Variants in ARHGAP25 observed in about 807,000 individuals in gnomAD.
ARHGAP25 encodes the protein Rho GTPase activating protein 25, also known as rho GTPase-activating protein 25.
In ARHGAP25, 34 loss-of-function variants were observed where a neutral mutation model predicts 71.0. The ratio of observed to expected loss-of-function variants is 0.48; its 90% confidence interval spans 0.36 to 0.64. The LOEUF is 0.64. Among genes scored for constraint, ARHGAP25 ranks in the 30% least tolerant of loss-of-function variants. The probability of loss-of-function intolerance (pLI) is 0.00; values close to 1 mark genes in which losing one functional copy is unlikely to be tolerated. For synonymous variants in ARHGAP25, 282 were observed against 296.5 expected, an observed-to-expected ratio of 0.95 and a Z score of 0.50; for missense variants, 706 against 805.1, an observed-to-expected ratio of 0.88 and a Z score of 1.49.
chr2:68,780,862 C>T (rs911377836), intron 2 of ARHGAP25, among the ~76,000 whole-genome samples: 11 of 152,176 alleles, frequency 7.2e-5, no homozygotes, highest in Non-Finnish European at 1.5e-4. Context: ...TCATCTCCAT[C>T]GGTACTTTGT....
chr2:68,763,376 A>T (rs1352519989), intron 1 of ARHGAP25, among the ~76,000 whole-genome samples: 1 of 152,174 alleles, frequency 6.6e-6, no homozygotes, highest in African/African-American at 2.4e-5. Context: ...TAAAACACCA[A>T]GCAAATATTT....
At chr2:68,715,914 C>T (rs572626222) in intron 2 of ARHGAP25, among the ~76,000 whole-genome samples, 2 of 152,198 alleles carry the variant, frequency 1.3e-5, no homozygotes, top group African/African-American at 4.8e-5. Flanking sequence ...CAGGTGAGGG[C>T]GGTTGGGAGG....
chr2:68,815,666 C>A (rs1334593127), intron 6 of ARHGAP25, among the ~76,000 whole-genome samples: 1 of 152,124 alleles, frequency 6.6e-6, no homozygotes, highest in African/African-American at 2.4e-5. Flanking sequence ...TGATTACAGA[C>A]CCTACAGGCA....
chr2:68,806,592 A>G (rs973802104), intron 4 of ARHGAP25, among the ~76,000 whole-genome samples: 5 of 152,246 alleles, frequency 3.3e-5, no homozygotes, highest in African/African-American at 1.2e-4. Context: ...TAACGTGGAT[A>G]CACTGGACAA....
At chr2:68,805,467 A>C (rs781359918) in intron 4 of ARHGAP25, among the ~76,000 whole-genome samples, 1 of 152,100 alleles carries the variant, frequency 6.6e-6, no homozygotes, top group Non-Finnish European at 1.5e-5. Context: ...GATGTGATGA[A>C]AGAGGAGTCC....
At chr2:68,808,611 G>A (rs1029048604) in intron 5 of ARHGAP25, among the ~76,000 whole-genome samples, 1 of 152,168 alleles carries the variant, frequency 6.6e-6, no homozygotes, top group Non-Finnish European at 1.5e-5. Context: ...TGGAACAATA[G>A]CCCGTTATTG....
intron 2 of ARHGAP25, among the ~76,000 whole-genome samples, chr2:68,719,892 G>A (rs1396406038): frequency 6.6e-6 from 1 of 152,122 alleles, no homozygotes; most frequent in Non-Finnish European, 1.5e-5. Context: ...CCTGACTCAT[G>A]CCACCATCAT....
chr2:68,782,814 G>A (rs1678435708), intron 3 of ARHGAP25, among the ~76,000 whole-genome samples: 2 of 152,216 alleles, frequency 1.3e-5, no homozygotes, highest in Admixed American at 6.5e-5. Flanking sequence ...GCACATTGGA[G>A]GTGCCTCTTT....
At chr2:68,760,009 C>A (rs201744438) in intron 1 of ARHGAP25, among the ~76,000 whole-genome samples, 1 of 151,958 alleles carries the variant, frequency 6.6e-6, no homozygotes, top group Non-Finnish European at 1.5e-5. Context: ...GGGATTTATT[C>A]TTGAAATGCA....
intron 2 of ARHGAP25, among the ~76,000 whole-genome samples, chr2:68,779,128 G>A (rs1335726435): frequency 6.6e-6 from 1 of 152,166 alleles, no homozygotes; most frequent in Non-Finnish European, 1.5e-5. Context: ...CTGAGGCATC[G>A]CCACAAGTGG....
intron 2 of ARHGAP25, among the ~76,000 whole-genome samples, chr2:68,711,268 T>G (rs1674475747): frequency 6.6e-6 from 1 of 152,212 alleles, no homozygotes. Context: ...AATTTTCCCA[T>G]AAGTCCTTCT....
chr2:68,746,103 A>C (rs1675795215), intron 1 of ARHGAP25, among the ~76,000 whole-genome samples: 1 of 152,214 alleles, frequency 6.6e-6, no homozygotes, highest in South Asian at 2.1e-4. Flanking sequence ...CCATCATTTA[A>C]ACTATAGCAC....
At position 68,734,961 on chromosome 2, in the gene ARHGAP25, G is replaced by T; in HGVS notation, c.-239G>T. On this transcript the variant is annotated 5_prime_UTR_variant, in exon 1 of 11. Coordinates refer to ENST00000409202, the MANE Select transcript of ARHGAP25 (RefSeq NM_001007231.3). ...GGGTGCTAGCCCCTGTGGGACTGAG[G>T]GTGGAGGCTGGGGGAGTTTGGGTGC... 1 of 588,120 alleles carries T rather than the reference G, an allele frequency of 1.7e-6. No individual in the cohort carries two copies. Among genetic ancestry groups the T allele is most frequent in the South Asian group, 2.1e-5 (1 of 48,094 alleles). 36.4% of individuals were successfully genotyped at this position (588,120 alleles called of 1,614,324 possible). A position where few individuals can be genotyped will look rare whatever the true frequency, so the allele number is the denominator to read the frequency against.
At chr2:68,810,989 G>T (rs559899339) in intron 5 of ARHGAP25, among the ~76,000 whole-genome samples, 4 of 152,184 alleles carry the variant, frequency 2.6e-5, no homozygotes, top group East Asian at 1.9e-4. Context: ...TTCTCCACCC[G>T]CCTTGGCCTC....
chr2:68,821,594 G>T (rs2103718508), intron 9 of ARHGAP25, among the ~76,000 whole-genome samples: 1 of 152,346 alleles, frequency 6.6e-6, no homozygotes, highest in Admixed American at 6.5e-5. Context: ...AGCAATGCAT[G>T]AAAGAACTGT....
In ARHGAP25 at chr2:68,735,583, A is replaced by G. The variant is rs530244018; in HGVS notation, c.61+323A>G. 1.4e-5 allele frequency: 6 copies of G among 416,510 alleles called. No homozygotes were observed. In the East Asian group the frequency reaches 2.4e-4, roughly 16 times the overall value. The allele number at this position is 416,510 out of a possible 1,614,324, so 25.8% of individuals were successfully genotyped here. On this transcript the variant is annotated intron_variant, in intron 1 of 10. Coordinates refer to ENST00000409202, the MANE Select transcript of ARHGAP25 (RefSeq NM_001007231.3). ...CCATTTCCTTCCTGTTTGGAAACTC[A>G]TCCATATTTTGAATGGTTCTGAACA...
At chr2:68,797,548 C>G (rs1430109198) in intron 4 of ARHGAP25, among the ~76,000 whole-genome samples, 1 of 152,162 alleles carries the variant, frequency 6.6e-6, no homozygotes, top group Non-Finnish European at 1.5e-5. Flanking sequence ...GGTGGTGTGC[C>G]TGGTTGCAAT....
chr2:68,821,906 G>GTTTTTTTTTTTTTTTTTTT (rs59964574), intron 9 of ARHGAP25, among the ~76,000 whole-genome samples: 1 of 81,646 alleles, frequency 1.2e-5, no homozygotes, highest in Non-Finnish European at 2.3e-5. Flanking sequence ...CTTTTTGCTA[G>GTTTTTTTTTTTTTTTTTTT]TTTTTTTTTT....
intron 2 of ARHGAP25, among the ~76,000 whole-genome samples, chr2:68,780,628 A>G (rs1678262060): frequency 6.8e-6 from 1 of 147,326 alleles, no homozygotes; most frequent in Admixed American, 6.8e-5. Flanking sequence ...CTTGTCTTTC[A>G]TCCTCATTCT....
Sources: allele counts gnomAD v4.1 joint callset (sites outside exome capture counted in the v4.1 genomes callset), GRCh38; gene constraint gnomAD v4.1.1; transcripts MANE v1.5; gene names NCBI Gene and HGNC (gene_info 2026-07-23, HGNC 2026-07-21).